ZNF722: variants seen among roughly 807,000 people sequenced by gnomAD.
The protein encoded by ZNF722 is zinc finger protein 722.
the ZNF722 span, among the ~76,000 whole-genome samples, chr7:64,017,454 G>A: frequency 6.6e-6 from 1 of 152,134 alleles, no homozygotes; most frequent in African/African-American, 2.4e-5. Flanking sequence ...GGCCTTTAAA[G>A]TAAAGACTAT....
chr7:64,011,376 G>A, the ZNF722 span, among the ~76,000 whole-genome samples: 3 of 152,210 alleles, frequency 2.0e-5, no homozygotes, highest in African/African-American at 7.2e-5. Flanking sequence ...TGATTTTGCA[G>A]TGGCTGGTAC....
the ZNF722 span, among the ~76,000 whole-genome samples, chr7:64,017,906 G>A: frequency 6.6e-6 from 1 of 152,058 alleles, no homozygotes. Context: ...AAATAATATT[G>A]TAACTCAAGT....
chr7:64,010,350 G>A, the ZNF722 span, among the ~76,000 whole-genome samples: 1 of 152,120 alleles, frequency 6.6e-6, no homozygotes, highest in Non-Finnish European at 1.5e-5. Context: ...GTTGATTTTA[G>A]ATATTTCCTG....
chr7:64,002,596 C>T, the ZNF722 span, among the ~76,000 whole-genome samples: 3 of 152,148 alleles, frequency 2.0e-5, no homozygotes, highest in African/African-American at 2.4e-5. Context: ...AATAAAAATG[C>T]TGTGCTCTTA....
At chr7:64,010,184 A>C in the ZNF722 span, among the ~76,000 whole-genome samples, 3,988 of 152,142 alleles carry the variant, frequency 0.026, 76 homozygotes, top group South Asian at 0.057. Flanking sequence ...TGATCTGTTC[A>C]AAAAGCCAGC....
the ZNF722 span, chr7:64,015,103 G>C: frequency 1.3e-5 from 18 of 1,425,240 alleles, no homozygotes; most frequent in African/African-American, 4.2e-5. Context: ...GTAATACCAA[G>C]AACATATGGA....
the ZNF722 span, chr7:64,005,551 C>T: frequency 1.3e-6 from 1 of 742,652 alleles, no homozygotes; most frequent in Non-Finnish European, 2.3e-6. Flanking sequence ...AAATCTCTGC[C>T]TATGGCCACA....
chr7:63,998,917 G>T, the ZNF722 span: 1 of 1,474,836 alleles, frequency 6.8e-7, no homozygotes, highest in East Asian at 2.4e-5. Flanking sequence ...TGCTCCTAGA[G>T]GCCAAGCCTC....
the ZNF722 span, among the ~76,000 whole-genome samples, chr7:64,000,870 C>T: frequency 4.6e-5 from 7 of 152,172 alleles, no homozygotes; most frequent in Non-Finnish European, 8.8e-5. Context: ...CTCCGTGTCC[C>T]GGGTTCAAGT....
the ZNF722 span, among the ~76,000 whole-genome samples, chr7:64,000,781 CG>C: frequency 6.7e-6 from 1 of 148,722 alleles, no homozygotes; most frequent in Admixed American, 6.7e-5. Flanking sequence ...TTTTTTTTGG[CG>C]GGGGGAGCGG....
the ZNF722 span, among the ~76,000 whole-genome samples, chr7:64,013,968 C>A: frequency 6.6e-6 from 1 of 151,682 alleles, no homozygotes; most frequent in Non-Finnish European, 1.5e-5. Flanking sequence ...CTTTTCTGAC[C>A]TGCAAGGTTT....
chr7:64,002,064 G>T, the ZNF722 span, among the ~76,000 whole-genome samples: 1 of 151,984 alleles, frequency 6.6e-6, no homozygotes, highest in Non-Finnish European at 1.5e-5. Context: ...TGTATTTTTA[G>T]TAGAGATGGG....
the ZNF722 span, among the ~76,000 whole-genome samples, chr7:64,001,108 T>A: frequency 2.4e-3 from 362 of 152,210 alleles, no homozygotes; most frequent in African/African-American, 8.3e-3. Context: ...TTATTTTAGG[T>A]TCAGGAGTAC....
the ZNF722 span, chr7:64,006,210 T>C: frequency 1.8e-5 from 21 of 1,198,792 alleles, no homozygotes; most frequent in Admixed American, 3.9e-4. Flanking sequence ...TACTTTTTTT[T>C]CTTAATAAAA....
the ZNF722 span, among the ~76,000 whole-genome samples, chr7:64,012,135 G>A: frequency 6.6e-6 from 1 of 152,062 alleles, no homozygotes; most frequent in African/African-American, 2.4e-5. Context: ...GTTATTTAAG[G>A]TCTTCTCTAC....
chr7:64,001,674 A>C, the ZNF722 span, among the ~76,000 whole-genome samples: 1 of 152,168 alleles, frequency 6.6e-6, no homozygotes, highest in Non-Finnish European at 1.5e-5. Context: ...TGCTTTTCTC[A>C]ATGTTTAAAC....
At chr7:64,012,133 A>T in the ZNF722 span, among the ~76,000 whole-genome samples, 5 of 152,092 alleles carry the variant, frequency 3.3e-5, no homozygotes, top group African/African-American at 9.7e-5. Flanking sequence ...CGGTTATTTA[A>T]GGTCTTCTCT....
the ZNF722 span, chr7:64,005,565 T>C: frequency 3.7e-6 from 3 of 810,580 alleles, no homozygotes; most frequent in East Asian, 2.5e-5. Flanking sequence ...GGCCACATGG[T>C]AACTGTGTTC....
the ZNF722 span, among the ~76,000 whole-genome samples, chr7:64,005,414 T>C: frequency 1.2e-4 from 9 of 73,676 alleles, no homozygotes; most frequent in Non-Finnish European, 3.3e-4. Flanking sequence ...GTGGATCTTA[T>C]GCTATTCTCT....
Sources: gnomAD v4.1 joint callset for allele counts (sites outside exome capture counted in the v4.1 genomes callset) on GRCh38, gnomAD v4.1.1 for gene constraint, MANE v1.5 for transcripts, NCBI Gene and HGNC (gene_info 2026-07-23, HGNC 2026-07-21) for gene names.